The following FMN2 variants were observed in gnomAD, a reference collection of about 807,000 sequenced individuals.
The protein encoded by FMN2 is formin 2.
Under a neutral mutation model 142.3 loss-of-function variants are expected in FMN2, and 51 were observed. The observed-to-expected ratio is 0.36, with a 90% CI of 0.29 to 0.45. The LOEUF (loss-of-function observed/expected upper bound fraction) is 0.45. Among genes scored for constraint, FMN2 ranks in the 20% least tolerant of loss-of-function variants. FMN2 has a pLI of 1.00. For synonymous variants in FMN2, 882 were observed against 869.8 expected (o/e 1.01, Z -0.25); for missense variants, 1,936 against 2,122.8 (o/e 0.91, Z 1.73).
At chr1:240,458,248 A>G (rs1676318317) in intron 16 of FMN2, 1 of 152,176 alleles carries the variant, frequency 6.6e-6, no homozygotes, top group Non-Finnish European at 1.5e-5. Flanking sequence ...TTCTCTCTTA[A>G]TATGTGTGTT....
Position 240,091,937 on chromosome 1 carries a change from C to G in FMN2, c.-173C>G. On this transcript the variant is annotated 5_prime_UTR_variant, in exon 1 of 18. Coordinates refer to ENST00000319653, the MANE Select transcript of FMN2 (RefSeq NM_020066.5). ...GGGAGCCGCCGCGCATTATGCAAAG[C>G]GGCGGCAGATGCGAGCGGGGCCAGC... 8.9e-7 allele frequency: 1 copy of G among 1,126,646 alleles called. No homozygotes were observed. The highest frequency in any genetic ancestry group is 1.2e-6 in the Non-Finnish European group (1 of 850,640). The allele number at this position is 1,126,646 out of a possible 1,614,324, so 69.8% of individuals were successfully genotyped here. A position where few individuals can be genotyped will look rare whatever the true frequency, so the allele number is the denominator to read the frequency against.
chr1:240,277,628 G>C (rs1669262814), intron 7 of FMN2, among the ~76,000 whole-genome samples: 2 of 146,188 alleles, frequency 1.4e-5, no homozygotes, highest in Non-Finnish European at 3.0e-5. Context: ...TGCCTCCCAG[G>C]TTCAAGTGAT....
At chr1:240,432,676 A>G (rs1675215989) in intron 15 of FMN2, among the ~76,000 whole-genome samples, 1 of 151,456 alleles carries the variant, frequency 6.6e-6, no homozygotes, top group African/African-American at 2.4e-5. Flanking sequence ...ATATTTTGAT[A>G]TTTTTTGTTT....
At chr1:240,220,938 A>G (rs1466468494) in intron 6 of FMN2, among the ~76,000 whole-genome samples, 2 of 151,036 alleles carry the variant, frequency 1.3e-5, no homozygotes, top group Non-Finnish European at 3.0e-5. Context: ...TCATTGTTCA[A>G]CTCTCACTTA....
Position 240,144,963 on chromosome 1 carries a change from C to T in FMN2, c.1782+21618C>T, listed in dbSNP as rs138066381. The stretch of plus-strand genomic sequence containing the variant: ...CCTACTAGCCGATACTTGAGGCACT[C>T]GCACTCCCCACTCATGGTCATGGCC... On this transcript the variant is annotated intron_variant, in intron 2 of 17. Transcript: ENST00000319653. 1.2e-4 allele frequency: 157 copies of T among 1,259,280 alleles called. 1 individual carries two copies. Among genetic ancestry groups the T allele is most frequent in the South Asian group, 9.2e-4 (77 of 83,934 alleles). 78.0% of individuals were successfully genotyped at this position (1,259,280 alleles called of 1,614,324 possible).
intron 16 of FMN2, among the ~76,000 whole-genome samples, chr1:240,440,678 C>T (rs2103185715): frequency 6.6e-6 from 1 of 152,258 alleles, no homozygotes; most frequent in Admixed American, 6.5e-5. Context: ...TAAGGAAGAA[C>T]ACGTGGCAGA....
intron 2 of FMN2, among the ~76,000 whole-genome samples, chr1:240,156,298 G>A (rs1664024161): frequency 6.6e-6 from 1 of 151,982 alleles, no homozygotes; most frequent in African/African-American, 2.4e-5. Context: ...TCATGCAGAG[G>A]GAAATGTTCA....
intron 2 of FMN2, chr1:240,170,719 G>A: frequency 6.5e-7 from 1 of 1,540,446 alleles, no homozygotes; most frequent in Non-Finnish European, 9.0e-7. Context: ...TGGTGCTGCT[G>A]TGAACACTGT....
At chr1:240,252,361 C>T (rs1668304483) in intron 6 of FMN2, among the ~76,000 whole-genome samples, 1 of 152,058 alleles carries the variant, frequency 6.6e-6, no homozygotes, top group Admixed American at 6.6e-5. Context: ...AGGTTTTATA[C>T]TTTTGCATGC....
chr1:240,335,762 A>C (rs1386802632), intron 13 of FMN2, among the ~76,000 whole-genome samples: 1 of 152,188 alleles, frequency 6.6e-6, no homozygotes, highest in African/African-American at 2.4e-5. Context: ...GGCATTAAAC[A>C]TACATGTAAT....
intron 14 of FMN2, among the ~76,000 whole-genome samples, chr1:240,376,458 A>G (rs952782207): frequency 1.3e-5 from 2 of 151,396 alleles, no homozygotes; most frequent in East Asian, 1.9e-4. Flanking sequence ...TCGGCCCTTC[A>G]TATCTGTGGG....
intron 1 of FMN2, among the ~76,000 whole-genome samples, chr1:240,105,270 G>A (rs925872553): frequency 2.6e-5 from 4 of 151,516 alleles, no homozygotes; most frequent in African/African-American, 9.7e-5. Context: ...CACCATGCCC[G>A]GCTAATTTTT....
intron 16 of FMN2, among the ~76,000 whole-genome samples, chr1:240,456,359 T>C (rs1219581150): frequency 6.6e-6 from 1 of 152,238 alleles, no homozygotes; most frequent in Non-Finnish European, 1.5e-5. Context: ...AATACCATTG[T>C]GTTTAATCAA....
At chr1:240,402,071 C>T (rs1003128406) in intron 15 of FMN2, among the ~76,000 whole-genome samples, 29 of 152,314 alleles carry the variant, frequency 1.9e-4, no homozygotes, top group African/African-American at 6.5e-4. Context: ...TTGTAAACCT[C>T]ACACACACAT....
intron 6 of FMN2, among the ~76,000 whole-genome samples, chr1:240,249,314 A>T (rs529398741): frequency 6.6e-6 from 1 of 152,062 alleles, no homozygotes; most frequent in Non-Finnish European, 1.5e-5. Flanking sequence ...TGTTCTGCAT[A>T]TAGATATCCA....
chr1:240,338,789 GTGCGC>G (rs1422907204), intron 13 of FMN2, among the ~76,000 whole-genome samples: 1 of 152,134 alleles, frequency 6.6e-6, no homozygotes, highest in Non-Finnish European at 1.5e-5. Context: ...TACATTTATT[GTGCGC>G]TTTACTTCTA....
intron 6 of FMN2, among the ~76,000 whole-genome samples, chr1:240,233,250 G>A (rs921535240): frequency 6.6e-6 from 1 of 151,720 alleles, no homozygotes; most frequent in South Asian, 2.1e-4. Context: ...GCTTGGTGGC[G>A]GGCACCTGTA....
At chr1:240,368,946 A>G (rs890164381) in intron 14 of FMN2, among the ~76,000 whole-genome samples, 1 of 113,028 alleles carries the variant, frequency 8.8e-6, no homozygotes, top group Admixed American at 9.7e-5. Flanking sequence ...AAAGTGTACA[A>G]CACAATGTTT....
In FMN2 at chr1:240,208,204, C is replaced by G; in HGVS notation, c.3392C>G (p.Pro1131Arg). The change falls in exon 5 of 18, where the codon CCT (proline) becomes CGT (arginine). Residue 1131 changes from proline to arginine, a missense_variant. Around this residue, in one of 8 missense-constraint regions of FMN2, gnomAD observed 56 missense variants for 111.8 expected, o/e 0.50. Transcript: ENST00000319653. Reference protein sequence around the residue: ...PPPLPGAGIPPPPPLPGAGIP... With the variant: ...PPPLPGAGIPRPPPLPGAGIP... ...CCTCTACCCGGAGCGGGCATACCCC[C>G]TCCTCCCCCTCTTCCCGGAGCGGGC... 9.5e-7 allele frequency: 1 copy of G among 1,057,534 alleles called. No homozygotes were observed. The highest frequency in any genetic ancestry group is 2.2e-5 in the Admixed American group (1 of 45,540). The allele number at this position is 1,057,534 out of a possible 1,614,324, so 65.5% of individuals were successfully genotyped here. A position where few individuals can be genotyped will look rare whatever the true frequency, so the allele number is the denominator to read the frequency against.
Sources: gnomAD v4.1 joint callset for allele counts (sites outside exome capture counted in the v4.1 genomes callset) on GRCh38, gnomAD v4.1.1 for gene constraint, gnomAD v4.1.1 regional missense constraint, MANE v1.5 for transcripts, NCBI Gene and HGNC (gene_info 2026-07-23, HGNC 2026-07-21) for gene names.